Variants in GHRH observed in about 807,000 individuals in gnomAD.
GHRH encodes the protein somatoliberin.
A neutral mutation model predicts 15.6 loss-of-function variants in GHRH; 7 were observed. That is an observed-to-expected ratio of 0.45 (90% CI 0.26 to 0.84). The LOEUF is 0.84. GHRH is among the 40% of genes least tolerant of loss of function. GHRH has a pLI of 0.18. For synonymous variants in GHRH, 54 were observed against 50.4 expected, an observed-to-expected ratio of 1.07 and a Z score of -0.30; for missense variants, 117 against 138.0, an observed-to-expected ratio of 0.85 and a Z score of 0.76.
At chr20:37,260,688 C>T (rs549947804) in intron 1 of GHRH, among the ~76,000 whole-genome samples, 1 of 152,338 alleles carries the variant, frequency 6.6e-6, no homozygotes, top group South Asian at 2.1e-4. Flanking sequence ...GCATTGCTGG[C>T]AACCCTGATG....
In GHRH at chr20:37,258,111, C is replaced by T. The variant is rs2068667389; in HGVS notation, c.-19-1203G>A. Among the ~76,000 whole-genome samples, 1 of 152,232 alleles carries T rather than the reference C, an allele frequency of 6.6e-6. No homozygotes were observed. The highest frequency in any genetic ancestry group is 2.1e-4 in the South Asian group (1 of 4,830). On this transcript the variant is annotated intron_variant, in intron 1 of 4. Transcript: ENST00000373614. The surrounding 1 kb of genome is among the most constrained non-coding windows in gnomAD (Gnocchi z 4.1). Reference sequence around the variant, plus strand: ...GCTCTGCAATTAGGGGAAAAACAGCCAGCAGGGGACAGAGCCCGCCTCCGC... The same window carrying T: ...GCTCTGCAATTAGGGGAAAAACAGCTAGCAGGGGACAGAGCCCGCCTCCGC...
intron 4 of GHRH, among the ~76,000 whole-genome samples, chr20:37,253,895 C>T (rs536265937): frequency 1.3e-5 from 2 of 149,982 alleles, no homozygotes; most frequent in East Asian, 3.9e-4. Flanking sequence ...GGATTACAGG[C>T]GTGAGCCACT....
At chr20:37,260,527 G>T (rs1600875955) in intron 1 of GHRH, among the ~76,000 whole-genome samples, 1 of 152,298 alleles carries the variant, frequency 6.6e-6, no homozygotes, top group East Asian at 1.9e-4. Flanking sequence ...TAAGGCTGCA[G>T]TGATCCATGA....
intron 4 of GHRH, 66 bp from the exon 5 acceptor site, chr20:37,251,297 G>C: frequency 7.3e-7 from 1 of 1,364,454 alleles, no homozygotes; most frequent in Non-Finnish European, 1.0e-6. Context: ...TGGGATGCAT[G>C]GAACCAGGGT....
intron 1 of GHRH, 43 bp from the exon 2 acceptor site, chr20:37,256,951 A>G: frequency 1.6e-6 from 2 of 1,231,652 alleles, no homozygotes; most frequent in Non-Finnish European, 2.4e-6. Flanking sequence ...AGCCACAGCC[A>G]TTGGGATGGC....
intron 3 of GHRH, 75 bp from the exon 4 acceptor site, chr20:37,254,404 A>G (rs554651293): frequency 3.0e-5 from 44 of 1,457,862 alleles, no homozygotes; most frequent in Admixed American, 1.8e-4. Flanking sequence ...CCCTATGCCT[A>G]TTTCAATATC....
chr20:37,255,678 AAAAAAAAAG>A (rs1428753929), intron 3 of GHRH, among the ~76,000 whole-genome samples: 2 of 149,490 alleles, frequency 1.3e-5, no homozygotes, highest in African/African-American at 5.0e-5. Context: ...AAAAAAAAAA[AAAAAAAAAG>A]AGCTATTAAC....
At chr20:37,255,184 A>G (rs1213688401) in intron 3 of GHRH, among the ~76,000 whole-genome samples, 1 of 152,228 alleles carries the variant, frequency 6.6e-6, no homozygotes, top group African/African-American at 2.4e-5. Flanking sequence ...CTATAGATAT[A>G]GAGTAAGCAA....
At chr20:37,260,412 A>AAC (rs1362506833) in intron 1 of GHRH, among the ~76,000 whole-genome samples, 2,852 of 150,298 alleles carry the variant, frequency 0.019, 94 homozygotes, top group African/African-American at 0.066. Flanking sequence ...AAAAAAAAAC[A>AAC]CACAAAACAA....
intron 3 of GHRH, among the ~76,000 whole-genome samples, chr20:37,255,660 C>CAAA (rs61126074): frequency 0.045 from 667 of 14,710 alleles, 77 homozygotes; most frequent in African/African-American, 0.057. Context: ...GACTCCATCT[C>CAAA]AAAAAAAAAA....
intron 1 of GHRH, 47 bp from the exon 2 acceptor site, chr20:37,256,955 G>A: frequency 8.3e-7 from 1 of 1,203,264 alleles, no homozygotes; most frequent in East Asian, 2.4e-5. Context: ...ACAGCCATTG[G>A]GATGGCCTTC....
Position 37,258,144 on chromosome 20 carries a change from A to C in GHRH, c.-19-1236T>G, listed in dbSNP as rs1291333626. 1.3e-5 allele frequency among the ~76,000 whole-genome samples: 2 copies of C among 152,202 alleles called. No individual in the cohort carries two copies. The highest frequency in any genetic ancestry group is 2.4e-5 in the African/African-American group (1 of 41,466). ...GACAGAGCCCGCCTCCGCTGGGGCA[A>C]GTGCCACTGCTGTCAGCCCAGACCT... On this transcript the variant is annotated intron_variant, in intron 1 of 4. Transcript: ENST00000373614. The surrounding 1 kb of genome is among the most constrained non-coding windows in gnomAD (Gnocchi z 4.1).
chr20:37,259,050 TTATTGTTAGGAAGTTTG>T (rs1428777244), intron 1 of GHRH, among the ~76,000 whole-genome samples: 1 of 152,222 alleles, frequency 6.6e-6, no homozygotes, highest in Non-Finnish European at 1.5e-5. Context: ...CAGGCAGTTC[TTATTGTTAGGAAGTTTG>T]TCTCACCATG....
intron 3 of GHRH, among the ~76,000 whole-genome samples, chr20:37,255,820 A>T (rs1279477543): frequency 6.6e-6 from 1 of 152,158 alleles, no homozygotes; most frequent in Non-Finnish European, 1.5e-5. Context: ...ACTTGAGGCC[A>T]GGAGTTCGAG....
At chr20:37,259,249 G>T (rs991076309) in intron 1 of GHRH, among the ~76,000 whole-genome samples, 2 of 152,194 alleles carry the variant, frequency 1.3e-5, no homozygotes, top group Non-Finnish European at 2.9e-5. Context: ...TGGTCCTTTA[G>T]ATATGTTCCG....
intron 4 of GHRH, 54 bp downstream of exon 4, chr20:37,254,156 A>G: frequency 6.2e-7 from 1 of 1,605,584 alleles, no homozygotes; most frequent in Admixed American, 1.7e-5. Context: ...CTGGCAAACC[A>G]CGGGGTAGGA....
In GHRH at chr20:37,251,833, A is replaced by G. The variant is rs149207770; in HGVS notation, c.309-602T>C. 5.3e-3 allele frequency among the ~76,000 whole-genome samples: 801 copies of G among 152,342 alleles called. 6 individuals are homozygous for G. Among genetic ancestry groups the G allele is most frequent in the African/African-American group, 0.019 (774 of 41,582 alleles). ...CACATGGCTCTACTCTGCACTCTAAAGCAGGAACTTATTCCTGCTCACCAG... is the reference window on the plus strand; with the variant it reads ...CACATGGCTCTACTCTGCACTCTAAGGCAGGAACTTATTCCTGCTCACCAG... On this transcript the variant is annotated intron_variant, in intron 4 of 4. Coordinates refer to ENST00000373614, the MANE Select transcript of GHRH (RefSeq NM_021081.6).
rs1442437399 is a variant in GHRH at position 37,261,764 on chromosome 20, T to C, written c.-41A>G. ...TCACCTGATGCGGCAGATATCCCTC[T>C]GCTCCGAGGCACTGCTCAAATCCAG... On this transcript the variant is annotated 5_prime_UTR_variant, in exon 1 of 5. Transcript: ENST00000373614. 1 of 152,242 alleles carries C rather than the reference T, an allele frequency of 6.6e-6. No individual in the cohort carries two copies. Among genetic ancestry groups the C allele is most frequent in the Non-Finnish European group, 1.5e-5 (1 of 68,064 alleles). 9.4% of individuals were successfully genotyped at this position (152,242 alleles called of 1,614,324 possible).
chr20:37,261,067 A>G (rs1263937138), intron 1 of GHRH, among the ~76,000 whole-genome samples: 1 of 152,214 alleles, frequency 6.6e-6, no homozygotes, highest in African/African-American at 2.4e-5. Flanking sequence ...TCCAAGTTAA[A>G]AGAAATCTAA....
Sources: allele counts gnomAD v4.1 joint callset (sites outside exome capture counted in the v4.1 genomes callset), GRCh38; gene constraint gnomAD v4.1.1; non-coding constraint Gnocchi (gnomAD v3.1); transcripts MANE v1.5; gene names NCBI Gene and HGNC (gene_info 2026-07-23, HGNC 2026-07-21).